Variants in TRIM26 observed in about 807,000 individuals in gnomAD.
The protein encoded by TRIM26 is tripartite motif containing 26.
TRIM26 carries 16 observed loss-of-function variants against 45.5 expected under a neutral mutation model. That is an observed-to-expected ratio of 0.35 (90% confidence interval 0.24 to 0.53). TRIM26 has a LOEUF of 0.53. TRIM26 is among the 20% of genes least tolerant of loss of function. The pLI is 0.92. For synonymous variants in TRIM26, 273 were observed against 290.4 expected, an observed-to-expected ratio of 0.94 and a Z score of 0.61; for missense variants, 442 against 691.1, an observed-to-expected ratio of 0.64 and a Z score of 4.04.
intron 6 of TRIM26, among the ~76,000 whole-genome samples, chr6:30,194,706 A>G (rs1275241235): frequency 2.0e-5 from 3 of 152,016 alleles, no homozygotes; most frequent in Admixed American, 2.0e-4. Flanking sequence ...AATACAGAAA[A>G]TAGCCAGGTG....
At position 30,196,598 on chromosome 6, in the gene TRIM26, C is replaced by T. The variant is rs1250766810; in HGVS notation, c.683G>A (p.Gly228Asp). ...GGCCAGCCGGGCAAGCTCCCCGACG[C>T]CCCGGCTCTTGAACTTCTCCCTGCC... is the stretch of plus-strand genomic sequence containing the variant. ...TEGREKFKSR[G>D]VGELARLALV... The change falls in exon 6 of 10, where the codon GGC becomes GAC. Residue 228 changes from glycine to aspartate, a missense_variant. Transcript: ENST00000454678. This position sits in a 1 kb window ranked among gnomAD's most constrained non-coding sequence, Gnocchi z 4.9. 1 of 1,613,626 alleles carries T rather than the reference C, an allele frequency of 6.2e-7. No homozygotes were observed. Among genetic ancestry groups the T allele is most frequent in the Non-Finnish European group, 8.5e-7 (1 of 1,180,036 alleles).
chr6:30,193,182 A>ATAATT lies in TRIM26; in HGVS notation c.766-3148_766-3147insAATTA, dbSNP rs9280916. On this transcript the variant is annotated intron_variant, in intron 6 of 9. Transcript: ENST00000454678. ...TGTGTGTATATATATATATATATAT[A>ATAATT]TTTTTTTTTTTTTTTTTTTAATGGA... 5.4e-4 allele frequency among the ~76,000 whole-genome samples: 21 copies of ATAATT among 38,814 alleles called. 3 individuals carry two copies. The highest frequency in any genetic ancestry group is 2.6e-3 in the African/African-American group (21 of 8,188). The allele number at this position is 38,814 out of a possible 152,430, so 25.5% of individuals were successfully genotyped here. A position where few individuals can be genotyped will look rare whatever the true frequency, so the allele number is the denominator to read the frequency against.
At position 30,189,974 on chromosome 6, in the gene TRIM26, AG is replaced by A; in HGVS notation, c.788+38del. On this transcript the variant is annotated intron_variant, in intron 7 of 9. Coordinates refer to ENST00000454678, the MANE Select transcript of TRIM26 (RefSeq NM_003449.5). This position sits in a 1 kb window ranked among gnomAD's most constrained non-coding sequence, Gnocchi z 5.0. ...GGTCAGAAGCGGGGGAACATAAACA[AG>A]GGGGATGAGGTACGCCATGGAGAGG... The A allele has an allele frequency of 1.9e-6, 3 of 1,612,366 alleles. No homozygotes were observed. The highest frequency in any genetic ancestry group is 2.5e-6 in the Non-Finnish European group (3 of 1,179,406).
rs1776825744 is a variant in TRIM26, at chr6:30,199,117, C to G, written c.-14G>C. 3.6e-5 allele frequency: 55 copies of G among 1,538,364 alleles called. No individual in the cohort carries two copies. The highest frequency in any genetic ancestry group is 4.8e-5 in the Non-Finnish European group (55 of 1,140,192). ...TGACGTGGCCATGGTATCCTTAGTT[C>G]AGAGAGGTCTCCGTTCACTGGTGAG... On this transcript the variant is annotated 5_prime_UTR_variant, in exon 4 of 10. The change abolishes the stop of an existing upstream ORF in the 5' untranslated region. Transcript: ENST00000454678.
chr6:30,208,618 C>CT (rs1386466898), intron 1 of TRIM26, among the ~76,000 whole-genome samples: 2 of 149,884 alleles, frequency 1.3e-5, no homozygotes, highest in Non-Finnish European at 1.5e-5. Flanking sequence ...TTGCTGCTCT[C>CT]TAACTATACA....
chr6:30,188,666 G>A (rs1323920463), intron 9 of TRIM26: 1 of 212,002 alleles, frequency 4.7e-6, no homozygotes, highest in African/African-American at 2.3e-5. Flanking sequence ...TGAGCCAGGA[G>A]GAGACCACCA....
chr6:30,201,445 A>C (rs976787273), intron 2 of TRIM26, among the ~76,000 whole-genome samples: 1 of 152,232 alleles, frequency 6.6e-6, no homozygotes, highest in Non-Finnish European at 1.5e-5. Context: ...AAGAGACATA[A>C]TGAGGGGAAA....
rs1245144574 is a variant in TRIM26 at position 30,193,186 on chromosome 6, T to A, written c.766-3151A>T. 8.1e-3 allele frequency among the ~76,000 whole-genome samples: 474 copies of A among 58,528 alleles called. 18 individuals carry two copies. Among genetic ancestry groups the A allele is most frequent in the Admixed American group, 0.046 (218 of 4,726 alleles). The allele number at this position is 58,528 out of a possible 152,430, so 38.4% of individuals were successfully genotyped here. A position where few individuals can be genotyped will look rare whatever the true frequency, so the allele number is the denominator to read the frequency against. ...TGTATATATATATATATATATATTT[T>A]TTTTTTTTTTTTTTTAATGGAGTCT... On this transcript the variant is annotated intron_variant, in intron 6 of 9. Coordinates refer to ENST00000454678, the MANE Select transcript of TRIM26 (RefSeq NM_003449.5).
In TRIM26 at chr6:30,196,597, G is replaced by A. The variant is rs151039446; in HGVS notation, c.684C>T (p.Gly228=). Residue 228 remains glycine, a synonymous_variant, in exon 6 of 10, where the codon GGC becomes GGT. Transcript: ENST00000454678. This position sits in a 1 kb window ranked among gnomAD's most constrained non-coding sequence, Gnocchi z 4.9. ...GGGCCAGCCGGGCAAGCTCCCCGACGCCCCGGCTCTTGAACTTCTCCCTGC... is the reference window on the plus strand; with the variant it reads ...GGGCCAGCCGGGCAAGCTCCCCGACACCCCGGCTCTTGAACTTCTCCCTGC... ...TEGREKFKSR[G]VGELARLALV... is the part of the protein sequence containing the mutation. The A allele has an allele frequency of 3.3e-5, 53 of 1,613,472 alleles. No homozygotes were observed. Among genetic ancestry groups the A allele is most frequent in the Non-Finnish European group, 4.3e-5 (51 of 1,180,028 alleles).
Position 30,189,540 on chromosome 6 carries a change from A to T in TRIM26, c.789-7T>A. The T allele has an allele frequency of 6.2e-7, 1 of 1,608,262 alleles. No individual in the cohort carries two copies. The highest frequency in any genetic ancestry group is 1.3e-5 in the African/African-American group (1 of 74,962). On this transcript the variant is annotated splice_polypyrimidine_tract_variant and splice_region_variant and intron_variant, in intron 7 of 9. Transcript: ENST00000454678. This position sits in a 1 kb window ranked among gnomAD's most constrained non-coding sequence, Gnocchi z 5.0. Reference sequence around the variant, plus strand: ...GAACTTCTTCCGTGGATACCTAAGAAGATGACATACATAACAAGCTGTTAC... The same window carrying T: ...GAACTTCTTCCGTGGATACCTAAGATGATGACATACATAACAAGCTGTTAC...
chr6:30,197,822 TAG>T (rs1179145628), intron 5 of TRIM26, among the ~76,000 whole-genome samples: 1 of 152,240 alleles, frequency 6.6e-6, no homozygotes, highest in African/African-American at 2.4e-5. Flanking sequence ...ACATGTTCAG[TAG>T]AGACGCTTTT....
chr6:30,190,340 G>A lies in TRIM26; in HGVS notation c.766-305C>T. ...GATGAAGAGAGGTAAGGTAAAACAG[G>A]AAAGGGCTTGGTGAGAACGGCAGAG... On this transcript the variant is annotated intron_variant, in intron 6 of 9. Transcript: ENST00000454678. This position sits in a 1 kb window ranked among gnomAD's most constrained non-coding sequence, Gnocchi z 4.3. 1 of 509,412 alleles carries A rather than the reference G, an allele frequency of 2.0e-6. No individual in the cohort carries two copies. Among genetic ancestry groups the A allele is most frequent in the Non-Finnish European group, 3.6e-6 (1 of 281,542 alleles). The allele number at this position is 509,412 out of a possible 1,614,324, so 31.6% of individuals were successfully genotyped here. A position where few individuals can be genotyped will look rare whatever the true frequency, so the allele number is the denominator to read the frequency against.
intron 1 of TRIM26, among the ~76,000 whole-genome samples, chr6:30,211,794 TATAAA>T (rs1380282888): frequency 6.6e-6 from 1 of 151,702 alleles, no homozygotes; most frequent in Non-Finnish European, 1.5e-5. Flanking sequence ...TAAACCAAAG[TATAAA>T]ATAAATGTCC....
intron 2 of TRIM26, among the ~76,000 whole-genome samples, chr6:30,202,410 A>T (rs1172602433): frequency 6.6e-6 from 1 of 152,254 alleles, no homozygotes; most frequent in Non-Finnish European, 1.5e-5. Flanking sequence ...TCATCAATAG[A>T]TGCTAAAACT....
rs936676971 is a variant in TRIM26 at position 30,196,909 on chromosome 6, C to T, written c.535-163G>A. Among the ~76,000 whole-genome samples the T allele has an allele frequency of 2.0e-5, 3 of 152,130 alleles. No homozygotes were observed. Among genetic ancestry groups the T allele is most frequent in the South Asian group, 2.1e-4 (1 of 4,826 alleles). On this transcript the variant is annotated intron_variant, in intron 5 of 9. Transcript: ENST00000454678. This position sits in a 1 kb window ranked among gnomAD's most constrained non-coding sequence, Gnocchi z 4.9. ...TACAGAGGGTTCCTGGTCCACACTC[C>T]GCTTCTCAAAGAAGACTCCAGTAAT...
rs781576353 is a variant in TRIM26, at chr6:30,185,939, G to A, written c.1557C>T (p.Thr519=). The A allele has an allele frequency of 3.7e-6, 6 of 1,613,058 alleles. No homozygotes were observed. Among genetic ancestry groups the A allele is most frequent in the Non-Finnish European group, 5.1e-6 (6 of 1,180,012 alleles). Reference sequence around the variant, plus strand: ...GCCACAGGAAGGGGACCAGGCGCCGGGTGAAGGTGGCAGTGAAGGTGTAGA... The same window carrying A: ...GCCACAGGAAGGGGACCAGGCGCCGAGTGAAGGTGGCAGTGAAGGTGTAGA... ...ELIYTFTATF[T]RRLVPFLWLK... is the part of the protein sequence containing the mutation. The change falls in exon 10 of 10, where the codon ACC becomes ACT. Residue 519 remains threonine (T), a synonymous_variant. Transcript: ENST00000454678. This position sits in a 1 kb window ranked among gnomAD's most constrained non-coding sequence, Gnocchi z 5.7.
In TRIM26 at chr6:30,189,074, G is replaced by A; in HGVS notation, c.937+93C>T. The A allele has an allele frequency of 7.1e-7, 1 of 1,405,734 alleles. No individual in the cohort carries two copies. Among genetic ancestry groups the A allele is most frequent in the East Asian group, 2.3e-5 (1 of 43,802 alleles). 87.1% of individuals were successfully genotyped at this position (1,405,734 alleles called of 1,614,324 possible). A position where few individuals can be genotyped will look rare whatever the true frequency, so the allele number is the denominator to read the frequency against. On this transcript the variant is annotated intron_variant, in intron 9 of 9. Coordinates refer to ENST00000454678, the MANE Select transcript of TRIM26 (RefSeq NM_003449.5). The surrounding 1 kb of genome is among the most constrained non-coding windows in gnomAD (Gnocchi z 5.0). ...GGGAAATTCTTCCTGTTGCAAAAGG[G>A]GCTACCTGGGGGAAAAGTGAGCAGT... is the stretch of plus-strand genomic sequence containing the variant.
chr6:30,189,339 T>C lies in TRIM26; in HGVS notation c.904+79A>G, dbSNP rs547093369. On this transcript the variant is annotated intron_variant, in intron 8 of 9. Transcript: ENST00000454678. The surrounding 1 kb of genome is among the most constrained non-coding windows in gnomAD (Gnocchi z 5.0). The stretch of plus-strand genomic sequence containing the variant: ...AGAAGAGTGAGGATCGACAAGGTGA[T>C]GGAAAGGAGCTGGGTGCGCTCTTTC... 4.5e-6 allele frequency: 7 copies of C among 1,571,892 alleles called. No homozygotes were observed. In the East Asian group the frequency reaches 6.7e-5, roughly 15 times the overall value.
chr6:30,193,134 A>ATG lies in TRIM26; in HGVS notation c.766-3100_766-3099insCA, dbSNP rs1383726823. ...TATATATGTGTATATATATATACATATATGTGTGTGTGTGTGTGTGTGTGT... is the reference window on the plus strand; with the variant it reads ...TATATATGTGTATATATATATACATATGTATGTGTGTGTGTGTGTGTGTGTGT... On this transcript the variant is annotated intron_variant, in intron 6 of 9. Transcript: ENST00000454678. Among the ~76,000 whole-genome samples, 264 of 54,678 alleles carry ATG rather than the reference A, an allele frequency of 4.8e-3. 9 individuals carry two copies. Among genetic ancestry groups the ATG allele is most frequent in the African/African-American group, 0.028 (253 of 9,084 alleles). 35.9% of individuals were successfully genotyped at this position (54,678 alleles called of 152,430 possible).
Sources: allele counts gnomAD v4.1 joint callset (sites outside exome capture counted in the v4.1 genomes callset), GRCh38; gene constraint gnomAD v4.1.1; non-coding constraint Gnocchi (gnomAD v3.1); transcripts MANE v1.5; gene names NCBI Gene and HGNC (gene_info 2026-07-23, HGNC 2026-07-21).